Variants in CHSY3 observed in about 807,000 individuals in gnomAD.
CHSY3 encodes N-acetylgalactosaminyl-proteoglycan 3-beta-glucuronosyltransferase 3.
CHSY3 carries 35 observed loss-of-function variants against 67.2 expected under a neutral mutation model. That is an observed-to-expected ratio of 0.52 (90% confidence interval 0.40 to 0.69). The LOEUF (loss-of-function observed/expected upper bound fraction) is 0.69. Among genes scored for constraint, CHSY3 ranks in the 30% least tolerant of loss-of-function variants. The pLI, the probability that CHSY3 is intolerant of heterozygous loss-of-function variation, is 0.00. For missense variants in CHSY3, 1,069 were observed against 1,138.5 expected (o/e 0.94, Z 0.88); for synonymous variants, 474 against 434.7 (o/e 1.09, Z -1.12).
intron 2 of CHSY3, among the ~76,000 whole-genome samples, chr5:130,039,741 G>A (rs1397748969): frequency 6.6e-6 from 1 of 152,014 alleles, no homozygotes; most frequent in African/African-American, 2.4e-5. Flanking sequence ...GCCTCCCAAG[G>A]TGGTAAGATT....
intron 2 of CHSY3, among the ~76,000 whole-genome samples, chr5:130,044,676 T>C (rs966509826): frequency 6.6e-6 from 1 of 152,060 alleles, no homozygotes; most frequent in African/African-American, 2.4e-5. Flanking sequence ...GAGTGAGATA[T>C]GTATTATAAA....
intron 2 of CHSY3, among the ~76,000 whole-genome samples, chr5:129,955,222 T>C (rs1387462563): frequency 6.6e-6 from 1 of 152,084 alleles, no homozygotes; most frequent in African/African-American, 2.4e-5. Context: ...GACTTTTATT[T>C]ACACAGATTT....
rs574575518 is a variant in CHSY3, at chr5:129,918,968, G to A, written c.1086+10608G>A. ...TAAAAATACAAAAAATTAGCCGGGC[G>A]CGGTGGCGGGCGCCTGTAGTCCCAG... On this transcript the variant is annotated intron_variant, in intron 2 of 2. Coordinates refer to ENST00000305031, the MANE Select transcript of CHSY3 (RefSeq NM_175856.5). 2.2e-4 allele frequency among the ~76,000 whole-genome samples: 33 copies of A among 148,590 alleles called. No individual in the cohort carries two copies. In the East Asian group the frequency reaches 3.5e-3, roughly 16 times the overall value.
Position 130,024,152 on chromosome 5 carries a change from A to AAAAAAAAAAAAAG in CHSY3, c.1086+115794_1086+115795insAAAAAAAAAAGAA, listed in dbSNP as rs386404969. Among the ~76,000 whole-genome samples, 840 of 150,688 alleles carry AAAAAAAAAAAAAG rather than the reference A, an allele frequency of 5.6e-3. 16 individuals carry two copies. The highest frequency in any genetic ancestry group is 0.02 in the African/African-American group (809 of 40,494). ...GATTGATGGTCAAAAAAAAAAAAAA[A>AAAAAAAAAAAAAG]AAGCCTGTCTTGCTTTTTTAAGGGC... On this transcript the variant is annotated intron_variant, in intron 2 of 2. Transcript: ENST00000305031.
chr5:130,151,721 G>C (rs1334528648), intron 2 of CHSY3, among the ~76,000 whole-genome samples: 1 of 152,196 alleles, frequency 6.6e-6, no homozygotes, highest in Non-Finnish European at 1.5e-5. Flanking sequence ...AAAACTACCA[G>C]ATCTTATGAG....
intron 2 of CHSY3, among the ~76,000 whole-genome samples, chr5:130,087,324 C>G (rs985090418): frequency 1.3e-5 from 2 of 152,198 alleles, no homozygotes; most frequent in Non-Finnish European, 2.9e-5. Context: ...GGGATGCCCT[C>G]TCTCACCACT....
intron 2 of CHSY3, among the ~76,000 whole-genome samples, chr5:129,997,320 T>G (rs1331868014): frequency 2.6e-5 from 4 of 152,146 alleles, no homozygotes; most frequent in Non-Finnish European, 5.9e-5. Flanking sequence ...TGCTACCAAG[T>G]GTTTAACCTT....
chr5:130,137,060 T>A lies in CHSY3; in HGVS notation c.1087-47169T>A, dbSNP rs925265885. On this transcript the variant is annotated intron_variant, in intron 2 of 2. Transcript: ENST00000305031. ...TTCTTTCTGTATTTTCCCTTACATATAAATCTCTAGTCTTCAGAGAGAGCT... is the reference window on the plus strand; with the variant it reads ...TTCTTTCTGTATTTTCCCTTACATAAAAATCTCTAGTCTTCAGAGAGAGCT... Among the ~76,000 whole-genome samples the A allele has an allele frequency of 1.2e-4, 19 of 152,198 alleles. 1 individual carries two copies. In the South Asian group the frequency reaches 3.3e-3, roughly 27 times the overall value.
At chr5:130,121,269 G>C (rs952896059) in intron 2 of CHSY3, among the ~76,000 whole-genome samples, 2 of 152,168 alleles carry the variant, frequency 1.3e-5, no homozygotes, top group Non-Finnish European at 2.9e-5. Flanking sequence ...TATAATAGGG[G>C]CTGCATGAAT....
intron 2 of CHSY3, among the ~76,000 whole-genome samples, chr5:129,959,330 A>G (rs1331409702): frequency 1.3e-5 from 2 of 152,096 alleles, no homozygotes; most frequent in African/African-American, 2.4e-5. Context: ...ATCTTTGCCC[A>G]TATATCCAGA....
chr5:130,126,973 C>T (rs62393182), intron 2 of CHSY3, among the ~76,000 whole-genome samples: 4 of 151,914 alleles, frequency 2.6e-5, no homozygotes, highest in Non-Finnish European at 4.4e-5. Context: ...CTATGCTAAT[C>T]CTTTTTGGCT....
intron 2 of CHSY3, among the ~76,000 whole-genome samples, chr5:130,154,078 A>C (rs1174579923): frequency 1.3e-5 from 2 of 151,986 alleles, no homozygotes; most frequent in African/African-American, 4.8e-5. Context: ...CACCACACCC[A>C]GCTAATTTTC....
intron 2 of CHSY3, among the ~76,000 whole-genome samples, chr5:129,975,674 G>A (rs572395119): frequency 1.4e-4 from 22 of 152,164 alleles, no homozygotes. Context: ...AATATTTGAT[G>A]TGTTCCACGT....
chr5:130,043,493 T>C (rs1404934293), intron 2 of CHSY3, among the ~76,000 whole-genome samples: 1 of 152,140 alleles, frequency 6.6e-6, no homozygotes, highest in East Asian at 1.9e-4. Context: ...ATATTTGCCC[T>C]GTTTCACAGT....
intron 2 of CHSY3, among the ~76,000 whole-genome samples, chr5:130,050,623 G>A (rs1037360880): frequency 3.3e-5 from 5 of 152,098 alleles, no homozygotes; most frequent in Non-Finnish European, 5.9e-5. Context: ...CTTGAAACAT[G>A]ATATAATGAA....
chr5:130,185,292 G>T lies in CHSY3; in HGVS notation c.2150G>T (p.Cys717Phe). The T allele has an allele frequency of 1.2e-6, 2 of 1,611,726 alleles. No individual in the cohort carries two copies. Among genetic ancestry groups the T allele is most frequent in the Non-Finnish European group, 1.7e-6 (2 of 1,177,894 alleles). ...QFDNDTLLLF[C>F]DVDLIFREDF... ...GACAATGACACTTTGCTGCTATTTT[G>T]TGATGTTGACTTGATCTTCAGAGAA... Residue 717 changes from cysteine to phenylalanine, a missense_variant, in exon 3 of 3, where the codon TGT (cysteine) becomes TTT (phenylalanine). Transcript: ENST00000305031.
At chr5:130,154,897 A>G (rs894498256) in intron 2 of CHSY3, among the ~76,000 whole-genome samples, 5 of 152,200 alleles carry the variant, frequency 3.3e-5, no homozygotes, top group Non-Finnish European at 7.3e-5. Context: ...TTTAACTTGC[A>G]TCCAGATCAC....
chr5:130,085,750 G>A (rs1766595872), intron 2 of CHSY3, among the ~76,000 whole-genome samples: 1 of 152,064 alleles, frequency 6.6e-6, no homozygotes, highest in South Asian at 2.1e-4. Context: ...GGCATTTAGT[G>A]CTATAAATTT....
chr5:129,963,489 G>C (rs983288945), intron 2 of CHSY3, among the ~76,000 whole-genome samples: 5 of 151,998 alleles, frequency 3.3e-5, no homozygotes, highest in Non-Finnish European at 7.4e-5. Context: ...GTCACGGTGT[G>C]TACTATTAAC....
Sources: gnomAD v4.1 joint callset for allele counts (sites outside exome capture counted in the v4.1 genomes callset) on GRCh38, gnomAD v4.1.1 for gene constraint, MANE v1.5 for transcripts, NCBI Gene and HGNC (gene_info 2026-07-23, HGNC 2026-07-21) for gene names.